The following BNC2 variants were observed in gnomAD, a reference collection of about 807,000 sequenced individuals.
BNC2 encodes the protein zinc finger protein basonuclin-2.
BNC2 carries 20 observed loss-of-function variants against 76.3 expected under a neutral mutation model. The ratio of observed to expected loss-of-function variants is 0.26; its 90% CI spans 0.18 to 0.38. BNC2 has a LOEUF of 0.38. BNC2 is among the 10% of genes least tolerant of loss of function. The pLI, the probability that BNC2 is intolerant of heterozygous loss-of-function variation, is 1.00. For missense variants in BNC2, 1,382 were observed against 1,399.8 expected, an observed-to-expected ratio of 0.99 and a Z score of 0.20; for synonymous variants, 582 against 514.8, an observed-to-expected ratio of 1.13 and a Z score of -1.77.
chr9:16,840,607 C>T (rs1818802333), intron 1 of BNC2, among the ~76,000 whole-genome samples: 1 of 152,092 alleles, frequency 6.6e-6, no homozygotes, highest in Non-Finnish European at 1.5e-5. Context: ...AGTTTTGTCA[C>T]TAAGACTCAA....
At chr9:16,479,725 G>T (rs1211157004) in intron 5 of BNC2, among the ~76,000 whole-genome samples, 1 of 152,178 alleles carries the variant, frequency 6.6e-6, no homozygotes, top group East Asian at 1.9e-4. Flanking sequence ...AACATTTCAA[G>T]TGCTTAAGTT....
intron 5 of BNC2, among the ~76,000 whole-genome samples, chr9:16,447,086 T>C (rs1821246336): frequency 6.6e-6 from 1 of 152,150 alleles, no homozygotes; most frequent in Admixed American, 6.6e-5. Flanking sequence ...CTGAGAAACT[T>C]TTAAAGACAC....
intron 3 of BNC2, among the ~76,000 whole-genome samples, chr9:16,680,221 G>A (rs989070062): frequency 6.6e-6 from 1 of 151,756 alleles, no homozygotes; most frequent in African/African-American, 2.4e-5. Flanking sequence ...GGCTTTTGTT[G>A]TTGTTGTTGT....
At chr9:16,705,578 T>C (rs1823643648) in intron 3 of BNC2, among the ~76,000 whole-genome samples, 1 of 152,186 alleles carries the variant, frequency 6.6e-6, no homozygotes, top group Non-Finnish European at 1.5e-5. Flanking sequence ...TCTTTCTTAT[T>C]ATTACTGCTA....
intron 1 of BNC2, among the ~76,000 whole-genome samples, chr9:16,793,854 G>GTTTTTT (rs1220978278): frequency 1.2e-5 from 1 of 85,590 alleles, no homozygotes; most frequent in African/African-American, 3.2e-5. Context: ...GTTTTTTGTG[G>GTTTTTT]TTTTTGTTTT....
chr9:16,841,783 C>T (rs542536769), intron 1 of BNC2, among the ~76,000 whole-genome samples: 1 of 151,876 alleles, frequency 6.6e-6, no homozygotes, highest in Non-Finnish European at 1.5e-5. Flanking sequence ...ATTTCCGAAG[C>T]CTATGTCTGC....
intron 1 of BNC2, among the ~76,000 whole-genome samples, chr9:16,860,738 T>C (rs536488821): frequency 8.9e-4 from 136 of 152,236 alleles, no homozygotes; most frequent in African/African-American, 3.2e-3. Flanking sequence ...AAAGGCACCA[T>C]CAAAAAGTCA....
chr9:16,552,504 G>A (rs377201388), intron 5 of BNC2, 26 bp downstream of exon 5: 43 of 1,603,536 alleles, frequency 2.7e-5, no homozygotes, highest in African/African-American at 5.4e-5. Flanking sequence ...CCCCGGACAC[G>A]GGCGGCGTTC....
chr9:16,850,314 C>G (rs1164168429), intron 1 of BNC2, among the ~76,000 whole-genome samples: 1 of 152,140 alleles, frequency 6.6e-6, no homozygotes, highest in Admixed American at 6.5e-5. Flanking sequence ...TATTTATAAG[C>G]ATGCATGTAT....
chr9:16,739,611 G>A (rs1344874856), intron 1 of BNC2, among the ~76,000 whole-genome samples: 19 of 152,184 alleles, frequency 1.2e-4, no homozygotes, highest in Admixed American at 1.2e-3. Flanking sequence ...GGCAGAGGTT[G>A]CAGTGAGCGG....
At position 16,592,176 on chromosome 9, in the gene BNC2, A is replaced by T. The variant is rs374464314; in HGVS notation, c.331-9091T>A. Among the ~76,000 whole-genome samples the T allele has an allele frequency of 4.6e-5, 7 of 152,306 alleles. No individual in the cohort carries two copies. In the East Asian group the frequency reaches 5.8e-4, roughly 13 times the overall value. On this transcript the variant is annotated intron_variant, in intron 3 of 6. Transcript: ENST00000380672. ...AACCAAAGAAATACATCATCTTCACAATAAACACATCCAAAATAATCGAAA... is the reference window on the plus strand; with the variant it reads ...AACCAAAGAAATACATCATCTTCACTATAAACACATCCAAAATAATCGAAA...
At chr9:16,475,097 G>C (rs1208544032) in intron 5 of BNC2, among the ~76,000 whole-genome samples, 1 of 152,152 alleles carries the variant, frequency 6.6e-6, no homozygotes, top group African/African-American at 2.4e-5. Flanking sequence ...TTACACCATG[G>C]TGAACTCCAG....
In BNC2 at chr9:16,698,121, C is replaced by T. The variant is rs140238029; in HGVS notation, c.330+29676G>A. On this transcript the variant is annotated intron_variant, in intron 3 of 6. Transcript: ENST00000380672. ...TTACATACACAGGGGCTTGGTCCTA[C>T]AAAAACTTCAATAATTGCTACAGAA... 5.9e-5 allele frequency among the ~76,000 whole-genome samples: 9 copies of T among 152,256 alleles called. No individual in the cohort carries two copies. In the East Asian group the frequency reaches 1.7e-3, roughly 29 times the overall value.
intron 1 of BNC2, among the ~76,000 whole-genome samples, chr9:16,773,199 T>C (rs1028472639): frequency 6.6e-6 from 1 of 152,178 alleles, no homozygotes; most frequent in Non-Finnish European, 1.5e-5. Context: ...GTTTGCACTG[T>C]ACACACACAT....
At chr9:16,795,455 G>C (rs1817621532) in intron 1 of BNC2, among the ~76,000 whole-genome samples, 1 of 150,940 alleles carries the variant, frequency 6.6e-6, no homozygotes, top group Non-Finnish European at 1.5e-5. Context: ...TGAGCCATCT[G>C]ATGACAATTA....
At chr9:16,712,718 G>A (rs1823885506) in intron 3 of BNC2, among the ~76,000 whole-genome samples, 1 of 152,114 alleles carries the variant, frequency 6.6e-6, no homozygotes, top group African/African-American at 2.4e-5. Flanking sequence ...CTTGTAAATG[G>A]GCATTTTATC....
intron 3 of BNC2, among the ~76,000 whole-genome samples, chr9:16,621,698 A>G (rs1820871785): frequency 6.6e-6 from 1 of 152,154 alleles, no homozygotes; most frequent in South Asian, 2.1e-4. Flanking sequence ...GCCATCCAAT[A>G]TGGTAGCCAC....
At chr9:16,465,910 T>A (rs1423392339) in intron 5 of BNC2, among the ~76,000 whole-genome samples, 1 of 149,756 alleles carries the variant, frequency 6.7e-6, no homozygotes, top group African/African-American at 2.5e-5. Context: ...GCAGACGACA[T>A]GACTGTTTAT....
intron 1 of BNC2, among the ~76,000 whole-genome samples, chr9:16,818,698 C>CTGT (rs111646230): frequency 0.039 from 5,924 of 152,116 alleles, 376 homozygotes; most frequent in African/African-American, 0.13. Context: ...CTAGTTTTTA[C>CTGT]TGTTGTTGTT....
Sources: gnomAD v4.1 joint callset for allele counts (sites outside exome capture counted in the v4.1 genomes callset) on GRCh38, gnomAD v4.1.1 for gene constraint, MANE v1.5 for transcripts, NCBI Gene and HGNC (gene_info 2026-07-23, HGNC 2026-07-21) for gene names.